Variants in PRKX observed in about 807,000 individuals in gnomAD.
PRKX encodes the protein protein kinase cAMP-dependent X-linked catalytic subunit.
A neutral mutation model predicts 22.0 loss-of-function variants in PRKX; 12 were observed. That is an observed-to-expected ratio of 0.54 (90% CI 0.35 to 0.88). The LOEUF (loss-of-function observed/expected upper bound fraction) is 0.88, where lower values mean the gene tolerates loss of function less well. PRKX is among the 40% of genes least tolerant of loss of function. The probability of loss-of-function intolerance (pLI) is 0.01; values close to 1 mark genes in which losing one functional copy is unlikely to be tolerated. For missense variants in PRKX, 217 were observed against 308.0 expected (o/e 0.70, Z 2.21); for synonymous variants, 134 against 137.7 (o/e 0.97, Z 0.19).
At chrX:3,633,238 C>T (rs1478250296) in intron 4 of PRKX, among the ~76,000 whole-genome samples, 1 of 89,353 alleles carries the variant, frequency 1.1e-5, no homozygotes, top group Non-Finnish European at 2.2e-5. Flanking sequence ...GGACACAGAA[C>T]AAGACCCTGT....
intron 1 of PRKX, among the ~76,000 whole-genome samples, chrX:3,682,334 T>C (rs757348627): frequency 2.7e-5 from 3 of 110,768 alleles, no homozygotes; most frequent in South Asian, 3.9e-4. Flanking sequence ...TTTGTGTGCA[T>C]TGAATGGGGT....
chrX:3,623,451 G>A (rs1185171030), intron 5 of PRKX, among the ~76,000 whole-genome samples: 1 of 110,678 alleles, frequency 9.0e-6, no homozygotes, highest in Non-Finnish European at 1.9e-5. Context: ...AGTTACTCGG[G>A]AGGCTGAGGT....
intron 1 of PRKX, among the ~76,000 whole-genome samples, chrX:3,679,624 A>G (rs202090617): frequency 1.6e-5 from 1 of 62,126 alleles, no homozygotes; most frequent in African/African-American, 9.6e-5. Flanking sequence ...CTACAGAAAT[A>G]TTCTTGTCTT....
chrX:3,629,189 G>A (rs1190190899), intron 4 of PRKX, among the ~76,000 whole-genome samples: 1 of 111,652 alleles, frequency 9.0e-6, no homozygotes, highest in African/African-American at 3.3e-5. Flanking sequence ...TACTGAGCCT[G>A]CTTGCACGGC....
chrX:3,674,423 C>T (rs1414900076), intron 2 of PRKX, among the ~76,000 whole-genome samples, 175 bp downstream of exon 2: 2 of 111,270 alleles, frequency 1.8e-5, no homozygotes, highest in Non-Finnish European at 1.9e-5. Flanking sequence ...GGTCAGGAGC[C>T]CTGGAGGTAT....
intron 4 of PRKX, among the ~76,000 whole-genome samples, chrX:3,627,655 G>C (rs1445085886): frequency 9.1e-6 from 1 of 109,332 alleles, no homozygotes; most frequent in Non-Finnish European, 1.9e-5. Flanking sequence ...GTAGAGCGGG[G>C]GTTTCACCAT....
chrX:3,610,125 G>A (rs957081654), intron 8 of PRKX, among the ~76,000 whole-genome samples: 59 of 112,133 alleles, frequency 5.3e-4, no homozygotes, highest in African/African-American at 1.9e-3. Context: ...GCTCGTTGCT[G>A]AAAATGCCAG....
chrX:3,693,762 C>T (rs1409922105), intron 1 of PRKX, among the ~76,000 whole-genome samples: 4 of 107,627 alleles, frequency 3.7e-5, no homozygotes, highest in Non-Finnish European at 3.8e-5. Context: ...GAGGTGAAAC[C>T]GCGTCTCTAC....
intron 4 of PRKX, among the ~76,000 whole-genome samples, chrX:3,633,171 T>C (rs756350763): frequency 1.8e-5 from 2 of 109,650 alleles, no homozygotes; most frequent in African/African-American, 6.6e-5. Flanking sequence ...GAGGATCGCT[T>C]GAGCCCAGGA....
At chrX:3,705,691 C>CTTTTTTTTTT (rs1365283802) in intron 1 of PRKX, among the ~76,000 whole-genome samples, 29 of 101,801 alleles carry the variant, frequency 2.8e-4, no homozygotes, top group African/African-American at 9.0e-4. Flanking sequence ...TTTTTCTTTT[C>CTTTTTTTTTT]TTTTTTTTTT....
chrX:3,619,654 A>G (rs1315032196), intron 6 of PRKX, among the ~76,000 whole-genome samples: 1 of 111,744 alleles, frequency 8.9e-6, no homozygotes, highest in African/African-American at 3.3e-5. Flanking sequence ...TGGGAGAGGC[A>G]GGAATGATCC....
intron 6 of PRKX, among the ~76,000 whole-genome samples, chrX:3,616,171 G>A (rs1309541789): frequency 1.8e-5 from 2 of 111,254 alleles, no homozygotes; most frequent in Non-Finnish European, 3.8e-5. Flanking sequence ...AGGTAAATAC[G>A]ATTCCATCTC....
intron 1 of PRKX, among the ~76,000 whole-genome samples, chrX:3,677,355 G>GTC: frequency 1.0e-5 from 1 of 99,368 alleles, no homozygotes; most frequent in East Asian, 3.1e-4. Context: ...TTGAGACAGG[G>GTC]TCTCTCTCTG....
At chrX:3,617,011 CAT>C (rs999184446) in intron 6 of PRKX, among the ~76,000 whole-genome samples, 6 of 111,108 alleles carry the variant, frequency 5.4e-5, no homozygotes, top group East Asian at 2.8e-4. Context: ...TATATACACA[CAT>C]AGATTGATAT....
At chrX:3,656,211 G>C (rs1927477990) in intron 2 of PRKX, among the ~76,000 whole-genome samples, 1 of 110,485 alleles carries the variant, frequency 9.1e-6, no homozygotes, top group African/African-American at 3.3e-5. Context: ...GGTGTAGATG[G>C]ATGTCAGGAT....
chrX:3,695,616 T>C (rs751575159), intron 1 of PRKX, among the ~76,000 whole-genome samples: 2 of 111,395 alleles, frequency 1.8e-5, no homozygotes, highest in African/African-American at 6.5e-5. Context: ...CTCCCTATGT[T>C]GCCCAGGCTG....
intron 2 of PRKX, among the ~76,000 whole-genome samples, chrX:3,656,269 G>C (rs1242849700): frequency 9.0e-6 from 1 of 111,220 alleles, no homozygotes; most frequent in Non-Finnish European, 1.9e-5. Context: ...TTAGAATATG[G>C]GTGTAGAGAG....
intron 1 of PRKX, among the ~76,000 whole-genome samples, chrX:3,683,370 T>C (rs1333133985): frequency 6.3e-5 from 7 of 110,898 alleles, no homozygotes; most frequent in Non-Finnish European, 1.1e-4. Flanking sequence ...AACAGCAACA[T>C]CCCAGGAAAG....
Position 3,660,044 on chromosome X carries a change from G to A in PRKX, c.336-4632C>T, listed in dbSNP as rs755669293. The stretch of plus-strand genomic sequence containing the variant: ...TTTCTGCTTTGCACCGTTATTGGTT[G>A]GGCAAGAGTGTTCCTCTCAGTAATA... On this transcript the variant is annotated intron_variant, in intron 2 of 8. Coordinates refer to ENST00000262848, the MANE Select transcript of PRKX (RefSeq NM_005044.5). Among the ~76,000 whole-genome samples, 8 of 111,773 alleles carry A rather than the reference G, an allele frequency of 7.2e-5. 1 individual carries two copies. The South Asian group carries it at 2.3e-3, about 31-fold the overall frequency.
Sources: allele counts gnomAD v4.1 joint callset (sites outside exome capture counted in the v4.1 genomes callset), GRCh38; gene constraint gnomAD v4.1.1; transcripts MANE v1.5; gene names NCBI Gene and HGNC (gene_info 2026-07-23, HGNC 2026-07-21).